PRKG1: variants seen among roughly 807,000 people sequenced by gnomAD.
The protein encoded by PRKG1 is protein kinase cGMP-dependent 1.
In PRKG1, 35 loss-of-function variants were observed where a neutral mutation model predicts 88.1. That is an observed-to-expected ratio of 0.40 (90% confidence interval 0.30 to 0.53). The LOEUF (loss-of-function observed/expected upper bound fraction) is 0.53, where lower values mean the gene tolerates loss of function less well. PRKG1 is among the 20% of genes least tolerant of loss of function. The pLI, the probability that PRKG1 is intolerant of heterozygous loss-of-function variation, is 0.59. For missense variants in PRKG1, 540 were observed against 839.8 expected (o/e 0.64, Z 4.41); for synonymous variants, 303 against 292.5 (o/e 1.04, Z -0.37).
At chr10:51,235,812 A>G (rs1838971103) in intron 2 of PRKG1, among the ~76,000 whole-genome samples, 1 of 152,314 alleles carries the variant, frequency 6.6e-6, no homozygotes, top group East Asian at 1.9e-4. Flanking sequence ...AAAGTATGTA[A>G]AGCAATTTAG....
At chr10:51,113,780 T>TA (rs1355969923) in intron 1 of PRKG1, among the ~76,000 whole-genome samples, 25 of 131,486 alleles carry the variant, frequency 1.9e-4, no homozygotes, top group African/African-American at 6.1e-4. Flanking sequence ...AAAGCCTCAA[T>TA]AAAAAAATGT....
At chr10:52,270,805 G>A (rs1207176479) in intron 10 of PRKG1, among the ~76,000 whole-genome samples, 2 of 151,632 alleles carry the variant, frequency 1.3e-5, no homozygotes, top group African/African-American at 2.4e-5. Context: ...CACCAACATG[G>A]CACATGTATA....
chr10:51,772,448 A>G (rs1838327202), intron 3 of PRKG1, among the ~76,000 whole-genome samples: 1 of 152,144 alleles, frequency 6.6e-6, no homozygotes, highest in Admixed American at 6.6e-5. Context: ...AATTAAACTC[A>G]TATTAGGTGA....
intron 3 of PRKG1, among the ~76,000 whole-genome samples, chr10:51,563,196 A>C (rs1837515075): frequency 6.6e-6 from 1 of 152,166 alleles, no homozygotes; most frequent in Non-Finnish European, 1.5e-5. Flanking sequence ...TAAAGGGTAC[A>C]AAATTACAGC....
At chr10:51,730,568 A>G (rs1842248142) in intron 3 of PRKG1, among the ~76,000 whole-genome samples, 1 of 152,184 alleles carries the variant, frequency 6.6e-6, no homozygotes, top group African/African-American at 2.4e-5. Flanking sequence ...TATGTATTGC[A>G]ATAAATTAAA....
Position 52,200,507 on chromosome 10 carries a change from C to T in PRKG1, c.1076+38544C>T, listed in dbSNP as rs118031460. On this transcript the variant is annotated intron_variant, in intron 9 of 17. Coordinates refer to ENST00000373980, the MANE Select transcript of PRKG1 (RefSeq NM_006258.4). ...CATGTCTTTGCTATTGTGAATGGTG[C>T]TGCTGTGATCATATGTGTGCATATG... Among the ~76,000 whole-genome samples the T allele has an allele frequency of 4.2e-3, 644 of 152,204 alleles. 4 individuals carry two copies. The highest frequency in any genetic ancestry group is 5.9e-3 in the Non-Finnish European group (398 of 68,012).
intron 2 of PRKG1, among the ~76,000 whole-genome samples, chr10:51,161,845 GAAAAAGT>G (rs1299114289): frequency 1.3e-5 from 2 of 152,048 alleles, no homozygotes; most frequent in Non-Finnish European, 2.9e-5. Flanking sequence ...CAGCATAGCT[GAAAAAGT>G]AAAAAGTGAG....
At chr10:51,421,262 C>A (rs1009531217) in intron 2 of PRKG1, among the ~76,000 whole-genome samples, 7 of 152,144 alleles carry the variant, frequency 4.6e-5, no homozygotes, top group Non-Finnish European at 8.8e-5. Context: ...GCTTTGAACT[C>A]CTGGCCTCAA....
chr10:52,191,367 C>T (rs555749671), intron 9 of PRKG1, among the ~76,000 whole-genome samples: 8 of 151,162 alleles, frequency 5.3e-5, no homozygotes, highest in Non-Finnish European at 1.0e-4. Flanking sequence ...GGGGTTTTGC[C>T]ATGTTGCCTA....
At chr10:51,187,029 T>C (rs1417061436) in intron 2 of PRKG1, among the ~76,000 whole-genome samples, 2 of 148,764 alleles carry the variant, frequency 1.3e-5, no homozygotes, top group East Asian at 3.9e-4. Context: ...TTTGGATGCT[T>C]TCCAGAAAGA....
chr10:51,719,681 C>A (rs954940561), intron 3 of PRKG1, among the ~76,000 whole-genome samples: 4 of 152,118 alleles, frequency 2.6e-5, no homozygotes, highest in African/African-American at 9.7e-5. Context: ...TAGATGTACC[C>A]ATTTTTCAGC....
chr10:51,097,546 G>C (rs1844562177), intron 1 of PRKG1, among the ~76,000 whole-genome samples: 1 of 152,074 alleles, frequency 6.6e-6, no homozygotes, highest in South Asian at 2.1e-4. Context: ...CTTAGTGCTG[G>C]TATTAGAGCA....
chr10:51,463,981 T>A (rs947425881), intron 2 of PRKG1, among the ~76,000 whole-genome samples: 3 of 152,176 alleles, frequency 2.0e-5, no homozygotes, highest in Admixed American at 2.0e-4. Flanking sequence ...AAAAATGCAG[T>A]GCTTTTTGGA....
intron 2 of PRKG1, among the ~76,000 whole-genome samples, chr10:51,217,834 T>A (rs1838411964): frequency 6.6e-6 from 1 of 152,180 alleles, no homozygotes; most frequent in Non-Finnish European, 1.5e-5. Context: ...GAAAAGCTAA[T>A]TATTTTACTA....
intron 2 of PRKG1, among the ~76,000 whole-genome samples, chr10:51,228,929 C>T (rs1838765084): frequency 1.3e-5 from 2 of 152,198 alleles, no homozygotes; most frequent in Admixed American, 1.3e-4. Context: ...CTGGAACTTG[C>T]ACTGTTTCTT....
chr10:51,653,590 A>AGAG (rs1225857892), intron 3 of PRKG1, among the ~76,000 whole-genome samples: 2 of 151,194 alleles, frequency 1.3e-5, no homozygotes, highest in African/African-American at 4.9e-5. Flanking sequence ...TTTCCTTTGT[A>AGAG]GAGTCTCGCC....
At chr10:51,576,908 C>T (rs2132177949) in intron 3 of PRKG1, among the ~76,000 whole-genome samples, 1 of 151,918 alleles carries the variant, frequency 6.6e-6, no homozygotes, top group African/African-American at 2.4e-5. Context: ...AATATTTTTA[C>T]AAGCTTAAAC....
rs1564656712 is a variant in PRKG1 at position 51,811,756 on chromosome 10, T to A, written c.698+7066T>A. Among the ~76,000 whole-genome samples the A allele has an allele frequency of 3.9e-5, 6 of 152,290 alleles. No homozygotes were observed. The East Asian group carries it at 1.2e-3, about 29-fold the overall frequency. On this transcript the variant is annotated intron_variant, in intron 4 of 17. Coordinates refer to ENST00000373980, the MANE Select transcript of PRKG1 (RefSeq NM_006258.4). ...TTTCCTATAGGATATTCTGTGAAGA[T>A]CTTGCCTAAGTTGTCATATCCTCTA...
At chr10:51,052,327 T>G (rs542299673) in intron 1 of PRKG1, among the ~76,000 whole-genome samples, 1 of 152,312 alleles carries the variant, frequency 6.6e-6, no homozygotes, top group South Asian at 2.1e-4. Context: ...CCTGGAATTT[T>G]CTTATTAATA....
Sources: allele counts gnomAD v4.1 joint callset (sites outside exome capture counted in the v4.1 genomes callset), GRCh38; gene constraint gnomAD v4.1.1; transcripts MANE v1.5; gene names NCBI Gene and HGNC (gene_info 2026-07-23, HGNC 2026-07-21).